Variants in GMDS observed in about 807,000 individuals in gnomAD.
GMDS encodes GDP-mannose 4,6 dehydratase.
A neutral mutation model predicts 49.9 loss-of-function variants in GMDS; 20 were observed. The ratio of observed to expected loss-of-function variants is 0.40; its 90% CI spans 0.28 to 0.58. GMDS has a LOEUF of 0.58. Ranked by LOEUF, GMDS falls within the 20% of genes least tolerant of loss-of-function variation. GMDS has a pLI of 0.42. For synonymous variants in GMDS, 177 were observed against 178.6 expected, an observed-to-expected ratio of 0.99 and a Z score of 0.07; for missense variants, 362 against 481.4, an observed-to-expected ratio of 0.75 and a Z score of 2.32.
At chr6:1,639,258 T>C (rs1410227930) in intron 9 of GMDS, among the ~76,000 whole-genome samples, 1 of 152,146 alleles carries the variant, frequency 6.6e-6, no homozygotes, top group Middle Eastern at 3.2e-3. Context: ...GTGCCTAGCA[T>C]TTTCCCACTG....
chr6:1,755,763 A>G (rs1174185594), intron 7 of GMDS, among the ~76,000 whole-genome samples: 3 of 152,222 alleles, frequency 2.0e-5, no homozygotes, highest in African/African-American at 7.2e-5. Flanking sequence ...AAATTAACTA[A>G]AGATGGATTA....
chr6:1,961,475 C>A (rs1763939920), intron 4 of GMDS, among the ~76,000 whole-genome samples: 1 of 152,134 alleles, frequency 6.6e-6, no homozygotes, highest in Non-Finnish European at 1.5e-5. Context: ...TAATCTATTA[C>A]ACGAATGCAT....
At chr6:2,019,088 GT>G (rs1245903178) in intron 4 of GMDS, among the ~76,000 whole-genome samples, 2 of 150,976 alleles carry the variant, frequency 1.3e-5, no homozygotes, top group African/African-American at 4.9e-5. Flanking sequence ...GGTTAATAAT[GT>G]TTTTATGTGC....
intron 9 of GMDS, among the ~76,000 whole-genome samples, chr6:1,697,676 G>A (rs1765392072): frequency 6.6e-6 from 1 of 152,218 alleles, no homozygotes. Flanking sequence ...GTCAGAAACT[G>A]TGGGAATCAG....
intron 4 of GMDS, among the ~76,000 whole-genome samples, chr6:2,039,596 AT>A (rs369245112): frequency 4.9e-4 from 75 of 151,766 alleles, no homozygotes; most frequent in Non-Finnish European, 9.3e-4. Context: ...AACTTTTTAG[AT>A]TTTTTGTTAG....
chr6:2,190,499 G>A (rs1206788092), intron 1 of GMDS, among the ~76,000 whole-genome samples: 1 of 152,170 alleles, frequency 6.6e-6, no homozygotes, highest in Non-Finnish European at 1.5e-5. Context: ...ACTTCTCATG[G>A]GGGAAGAACT....
intron 7 of GMDS, among the ~76,000 whole-genome samples, chr6:1,856,269 CTCTT>C (rs1273890781): frequency 5.3e-5 from 8 of 152,280 alleles, no homozygotes; most frequent in African/African-American, 1.9e-4. Flanking sequence ...AATGAAAACT[CTCTT>C]TATAATTCAC....
intron 1 of GMDS, among the ~76,000 whole-genome samples, chr6:2,174,078 C>T (rs574150676): frequency 1.3e-5 from 2 of 152,106 alleles, no homozygotes; most frequent in East Asian, 1.9e-4. Flanking sequence ...TTACAGGCTA[C>T]GAACAGTAAC....
intron 9 of GMDS, among the ~76,000 whole-genome samples, chr6:1,657,867 A>G (rs1561705707): frequency 6.8e-6 from 1 of 146,404 alleles, no homozygotes; most frequent in African/African-American, 2.5e-5. Context: ...AAAAAAAAAA[A>G]AAGAAAAAGA....
intron 7 of GMDS, among the ~76,000 whole-genome samples, chr6:1,852,810 G>A (rs1192919633): frequency 1.3e-5 from 2 of 151,648 alleles, no homozygotes; most frequent in African/African-American, 4.9e-5. Context: ...GGGTTCAAGC[G>A]ATTTTCCTGC....
chr6:1,748,009 A>G (rs992987803), intron 7 of GMDS, among the ~76,000 whole-genome samples: 1 of 152,378 alleles, frequency 6.6e-6, no homozygotes, highest in South Asian at 2.1e-4. Flanking sequence ...AAAGCCATAT[A>G]GCTCTTGCTT....
In GMDS at chr6:1,881,511, T is replaced by C. The variant is rs115058501; in HGVS notation, c.771+48592A>G. ...AAAGCATGTCACCATAAATCTGTCA[T>C]GCAGCCTTGTAAGAGCATTACTGAT... On this transcript the variant is annotated intron_variant, in intron 7 of 10. Coordinates refer to ENST00000380815, the MANE Select transcript of GMDS (RefSeq NM_001500.4). 5.3e-3 allele frequency among the ~76,000 whole-genome samples: 809 copies of C among 152,340 alleles called. 6 individuals are homozygous for C. The highest frequency in any genetic ancestry group is 0.019 in the African/African-American group (776 of 41,572).
intron 4 of GMDS, among the ~76,000 whole-genome samples, chr6:2,025,357 GGTGTGTGTGT>G (rs200096039): frequency 0.31 from 42,739 of 136,504 alleles, 6,601 homozygotes; most frequent in Middle Eastern, 0.4. Context: ...CTGATGGTGG[GGTGTGTGTGT>G]GTGTGTGTGT....
chr6:1,919,144 G>T (rs529897429), intron 7 of GMDS, among the ~76,000 whole-genome samples: 34 of 152,306 alleles, frequency 2.2e-4, no homozygotes, highest in Admixed American at 1.6e-3. Context: ...TGTTGGGAGG[G>T]ATGATTAAAG....
chr6:2,050,109 C>T (rs2127435825), intron 4 of GMDS, among the ~76,000 whole-genome samples: 1 of 151,930 alleles, frequency 6.6e-6, no homozygotes, highest in African/African-American at 2.4e-5. Context: ...TGGAAAAGAT[C>T]AAAATTGATA....
At chr6:2,155,309 T>C (rs749754493) in intron 1 of GMDS, among the ~76,000 whole-genome samples, 1 of 152,088 alleles carries the variant, frequency 6.6e-6, no homozygotes, top group Admixed American at 6.6e-5. Context: ...GCTGAGAAGC[T>C]GCAAAAAAGA....
intron 7 of GMDS, among the ~76,000 whole-genome samples, chr6:1,765,719 G>A (rs1768325129): frequency 6.6e-6 from 1 of 152,154 alleles, no homozygotes; most frequent in Non-Finnish European, 1.5e-5. Flanking sequence ...TGAAACGGCA[G>A]AAGCTTAGTT....
chr6:2,014,291 A>C (rs1767761573), intron 4 of GMDS, among the ~76,000 whole-genome samples: 1 of 151,978 alleles, frequency 6.6e-6, no homozygotes, highest in African/African-American at 2.4e-5. Flanking sequence ...AAAAGAAAGA[A>C]ACAAGGGTAA....
intron 8 of GMDS, among the ~76,000 whole-genome samples, chr6:1,730,817 A>G (rs561802564): frequency 6.6e-6 from 1 of 152,336 alleles, no homozygotes; most frequent in South Asian, 2.1e-4. Flanking sequence ...GTAGCTTTTT[A>G]GGCCCCCCAC....
Sources: allele counts gnomAD v4.1 joint callset (sites outside exome capture counted in the v4.1 genomes callset), GRCh38; gene constraint gnomAD v4.1.1; transcripts MANE v1.5; gene names NCBI Gene and HGNC (gene_info 2026-07-23, HGNC 2026-07-21).